The following LUZP2 variants were observed in gnomAD, a reference collection of about 807,000 sequenced individuals.
The protein encoded by LUZP2 is leucine zipper protein 2.
Under a neutral mutation model 51.6 loss-of-function variants are expected in LUZP2, and 52 were observed. The observed-to-expected ratio is 1.01, with a 90% confidence interval of 0.81 to 1.27. LUZP2 has a LOEUF of 1.27. Ranked by LOEUF, LUZP2 falls within the 50% of genes most tolerant of loss-of-function variation. LUZP2 has a pLI of 0.00. For missense variants in LUZP2, 436 were observed against 395.4 expected (o/e 1.10, Z -0.87); for synonymous variants, 154 against 137.3 (o/e 1.12, Z -0.85).
chr11:24,753,424 A>G (rs2134013371), intron 4 of LUZP2, among the ~76,000 whole-genome samples: 1 of 152,258 alleles, frequency 6.6e-6, no homozygotes, highest in Non-Finnish European at 1.5e-5. Flanking sequence ...CCCCCAGGGT[A>G]TAGGGCAAGA....
chr11:24,802,752 T>C (rs1206490781), intron 5 of LUZP2, among the ~76,000 whole-genome samples: 2 of 151,988 alleles, frequency 1.3e-5, no homozygotes, highest in Non-Finnish European at 2.9e-5. Context: ...AATGTGTGAG[T>C]CTCTGTAAAA....
intron 1 of LUZP2, among the ~76,000 whole-genome samples, chr11:24,710,363 G>A (rs1047856955): frequency 1.3e-5 from 2 of 151,914 alleles, no homozygotes; most frequent in African/African-American, 2.4e-5. Flanking sequence ...AGCATAAAAG[G>A]CTTGCAAAAT....
chr11:25,027,878 A>AAAT (rs1857539942), intron 9 of LUZP2, among the ~76,000 whole-genome samples: 2 of 145,486 alleles, frequency 1.4e-5, no homozygotes, highest in Non-Finnish European at 3.0e-5. Flanking sequence ...TCAAAAAAAA[A>AAAT]AAAAAAGGTG....
rs1858680816 is a variant in LUZP2 at position 25,056,221 on chromosome 11, A to G, written c.858+6091A>G. ...AGAATAATATTTTAGTCAAATATAA[A>G]AATGAACTCTTAATGAAAAGTATCT... On this transcript the variant is annotated intron_variant, in intron 10 of 11. Coordinates refer to ENST00000336930, the MANE Select transcript of LUZP2 (RefSeq NM_001009909.4). Among the ~76,000 whole-genome samples the G allele has an allele frequency of 3.3e-5, 5 of 152,156 alleles. No homozygotes were observed. The South Asian group carries it at 1.0e-3, about 31-fold the overall frequency.
chr11:25,025,646 G>A (rs1252725112), intron 9 of LUZP2, among the ~76,000 whole-genome samples: 3 of 152,120 alleles, frequency 2.0e-5, no homozygotes, highest in African/African-American at 4.8e-5. Context: ...GGAAATAACA[G>A]GTGCTGGGGA....
chr11:24,520,583 G>A (rs1480224375), intron 1 of LUZP2, among the ~76,000 whole-genome samples: 1 of 152,200 alleles, frequency 6.6e-6, no homozygotes, highest in African/African-American at 2.4e-5. Context: ...ACGTGGTCTT[G>A]TCTTTCATTC....
intron 5 of LUZP2, among the ~76,000 whole-genome samples, chr11:24,878,904 A>G (rs1852363995): frequency 6.6e-6 from 1 of 151,982 alleles, no homozygotes. Context: ...GTCGCTGAGG[A>G]TGATAGCTTC....
At chr11:24,995,856 C>T (rs1856479519) in intron 9 of LUZP2, among the ~76,000 whole-genome samples, 1 of 151,842 alleles carries the variant, frequency 6.6e-6, no homozygotes, top group South Asian at 2.1e-4. Context: ...TCTAGAAAGT[C>T]AATTCCAACT....
intron 5 of LUZP2, among the ~76,000 whole-genome samples, chr11:24,779,405 C>T (rs1590510754): frequency 1.3e-5 from 2 of 152,280 alleles, no homozygotes; most frequent in East Asian, 3.9e-4. Flanking sequence ...TTTCATCATA[C>T]ATGTCACACT....
intron 1 of LUZP2, among the ~76,000 whole-genome samples, chr11:24,702,930 G>A (rs904657583): frequency 6.6e-6 from 1 of 152,102 alleles, no homozygotes; most frequent in African/African-American, 2.4e-5. Context: ...AAACTTAAGA[G>A]GGATGTTAAA....
rs201945298 is a variant in LUZP2, at chr11:24,926,288, C to CGT, written c.522+11755_522+11756dup. On this transcript the variant is annotated intron_variant, in intron 7 of 11. Transcript: ENST00000336930. ...ATATATATACGTGTATATATATATA[C>CGT]GTGTGTATATATATACGTGTGTATA... Among the ~76,000 whole-genome samples the CGT allele has an allele frequency of 3.2e-3, 192 of 59,572 alleles. 3 individuals are homozygous for CGT. The highest frequency in any genetic ancestry group is 0.011 in the Middle Eastern group (1 of 92). 39.1% of individuals were successfully genotyped at this position (59,572 alleles called of 152,430 possible). A position where few individuals can be genotyped will look rare whatever the true frequency, so the allele number is the denominator to read the frequency against.
chr11:24,948,663 A>G (rs914030076), intron 7 of LUZP2, among the ~76,000 whole-genome samples: 1 of 151,760 alleles, frequency 6.6e-6, no homozygotes, highest in African/African-American at 2.4e-5. Flanking sequence ...AGTATAACTC[A>G]TGGGTTTTTA....
chr11:24,564,330 A>G (rs993453687), intron 1 of LUZP2, among the ~76,000 whole-genome samples: 4 of 152,186 alleles, frequency 2.6e-5, no homozygotes, highest in African/African-American at 9.6e-5. Context: ...TTAGGATGTT[A>G]GCTCAAAATA....
intron 5 of LUZP2, among the ~76,000 whole-genome samples, chr11:24,902,102 A>G (rs1853297702): frequency 6.6e-6 from 1 of 152,188 alleles, no homozygotes; most frequent in Admixed American, 6.6e-5. Flanking sequence ...ATTTAGGAAA[A>G]TCATTTACAT....
intron 5 of LUZP2, among the ~76,000 whole-genome samples, chr11:24,878,286 C>T (rs1264731066): frequency 2.0e-5 from 3 of 151,958 alleles, no homozygotes; most frequent in Admixed American, 1.3e-4. Flanking sequence ...ATTTCCCCTT[C>T]ATATTTGAAA....
intron 1 of LUZP2, among the ~76,000 whole-genome samples, chr11:24,509,391 A>G (rs1317482056): frequency 6.6e-6 from 1 of 151,516 alleles, no homozygotes; most frequent in Non-Finnish European, 1.5e-5. Flanking sequence ...CTTGCCTCGA[A>G]ATTTGTATCT....
chr11:24,723,444 T>C (rs1321755268), intron 1 of LUZP2, among the ~76,000 whole-genome samples: 1 of 152,224 alleles, frequency 6.6e-6, no homozygotes, highest in East Asian at 1.9e-4. Flanking sequence ...ACTCATAATA[T>C]TCAAAAACTG....
intron 5 of LUZP2, among the ~76,000 whole-genome samples, chr11:24,857,861 T>TATCTTA (rs1334525020): frequency 3.9e-5 from 6 of 152,178 alleles, no homozygotes; most frequent in African/African-American, 1.4e-4. Context: ...CATGTAACCT[T>TATCTTA]GCTTAGATGC....
At chr11:24,617,904 A>G (rs1356672789) in intron 1 of LUZP2, among the ~76,000 whole-genome samples, 3 of 152,138 alleles carry the variant, frequency 2.0e-5, no homozygotes, top group Non-Finnish European at 4.4e-5. Flanking sequence ...TATTTGGGGT[A>G]TTATGTTATG....
Sources: allele counts gnomAD v4.1 joint callset (sites outside exome capture counted in the v4.1 genomes callset), GRCh38; gene constraint gnomAD v4.1.1; transcripts MANE v1.5; gene names NCBI Gene and HGNC (gene_info 2026-07-23, HGNC 2026-07-21).